The following CATSPERD variants were observed in gnomAD, a reference collection of about 807,000 sequenced individuals.
The protein encoded by CATSPERD is cation channel sperm-associated auxiliary subunit delta.
In CATSPERD, 86 loss-of-function variants were observed where a neutral mutation model predicts 98.1. The observed-to-expected ratio is 0.88, with a 90% CI of 0.74 to 1.05. CATSPERD has a LOEUF of 1.05. Among genes scored for constraint, CATSPERD ranks in the 50% least tolerant of loss-of-function variants. The pLI is 0.00. For synonymous variants in CATSPERD, 394 were observed against 390.2 expected, an observed-to-expected ratio of 1.01 and a Z score of -0.12; for missense variants, 995 against 1,005.7, an observed-to-expected ratio of 0.99 and a Z score of 0.14.
rs2055768957 is a variant in CATSPERD, at chr19:5,733,336, C to CTTTCTTTCTTTCTTTCTTTCTTTCA, written c.277-506_277-505insTCTTTCTTTCATTTCTTTCTTTCTT. ...CTTTCTTTCTTTCTTTCTTTCTTTC[C>CTTTCTTTCTTTCTTTCTTTCTTTCA]TTTCTTTCTTTCTTCCTTCCTTCCC... On this transcript the variant is annotated intron_variant, in intron 4 of 21. Coordinates refer to ENST00000381624, the MANE Select transcript of CATSPERD (RefSeq NM_152784.4). Among the ~76,000 whole-genome samples the CTTTCTTTCTTTCTTTCTTTCTTTCA allele has an allele frequency of 1.8e-5, 2 of 112,154 alleles. 1 individual carries two copies. The highest frequency in any genetic ancestry group is 8.1e-5 in the African/African-American group (2 of 24,566). The allele number at this position is 112,154 out of a possible 152,430, so 73.6% of individuals were successfully genotyped here. A position where few individuals can be genotyped will look rare whatever the true frequency, so the allele number is the denominator to read the frequency against.
At chr19:5,747,681 C>T (rs375399446) in intron 9 of CATSPERD, among the ~76,000 whole-genome samples, 27 of 142,738 alleles carry the variant, frequency 1.9e-4, no homozygotes, top group Non-Finnish European at 3.5e-4. Flanking sequence ...GGCGCAATCT[C>T]GGCTCACTGC....
chr19:5,724,941 TG>T, intron 2 of CATSPERD, 79 bp downstream of exon 2: 3 of 1,315,130 alleles, frequency 2.3e-6, no homozygotes, highest in Non-Finnish European at 3.3e-6. Flanking sequence ...TGGTATTTCT[TG>T]GGTGCCCGTG....
At chr19:5,731,402 T>C (rs1599514408) in intron 4 of CATSPERD, among the ~76,000 whole-genome samples, 1 of 151,904 alleles carries the variant, frequency 6.6e-6, no homozygotes, top group Non-Finnish European at 1.5e-5. Context: ...GTGGGAAGAT[T>C]GCTTGAGCCG....
Position 5,724,828 on chromosome 19 carries a change from GAA to G in CATSPERD, c.95_96del (p.Lys32SerfsTer3), listed in dbSNP as rs768279568. 6.2e-7 allele frequency: 1 copy of G among 1,614,112 alleles called. No homozygotes were observed. Among genetic ancestry groups the G allele is most frequent in the Admixed American group, 1.7e-5 (1 of 60,006 alleles). The stretch of plus-strand genomic sequence containing the variant: ...TCTAGTTCTCGCACAGTGAGGACAG[GAA>G]AAGTGTTTAATCTGATACAGGACGT... On this transcript the variant is annotated frameshift_variant, in exon 2 of 22. Coordinates refer to ENST00000381624, the MANE Select transcript of CATSPERD (RefSeq NM_152784.4). LOFTEE classifies it high-confidence loss of function.
chr19:5,743,174 G>T (rs1275704065), intron 7 of CATSPERD, among the ~76,000 whole-genome samples: 2 of 151,966 alleles, frequency 1.3e-5, no homozygotes, highest in African/African-American at 4.8e-5. Context: ...GTGGTGGCAG[G>T]CGCCTGTAAT....
chr19:5,729,799 G>C (rs2055678786), intron 3 of CATSPERD, 73 bp from the exon 4 acceptor site: 1 of 881,586 alleles, frequency 1.1e-6, no homozygotes, highest in African/African-American at 1.7e-5. Flanking sequence ...AGACATTTTA[G>C]AGTACCTCTA....
intron 21 of CATSPERD, 147 bp from the exon 22 acceptor site, chr19:5,778,229 T>C (rs1372039700): frequency 8.0e-6 from 4 of 502,940 alleles, no homozygotes; most frequent in East Asian, 3.7e-5. Context: ...AAAAAAGGCA[T>C]AGTGGATGGA....
In CATSPERD at chr19:5,724,846, T is replaced by C; in HGVS notation, c.110T>C (p.Ile37Thr). The change falls in exon 2 of 22, where the codon ATA becomes ACA. Residue 37 changes from isoleucine to threonine, a missense_variant. Physicochemically the swap from Ile to Thr is moderately conservative, Grantham distance 89. Transcript: ENST00000381624. The stretch of plus-strand genomic sequence containing the variant: ...AGGACAGGAAAAGTGTTTAATCTGA[T>C]ACAGGACGTTCAAGGGGTATGTGGC... ...TVRTGKVFNLIQDVQGDRLYF... is the reference protein window; with the variant it reads ...TVRTGKVFNLTQDVQGDRLYF... 2 of 1,614,112 alleles carry C rather than the reference T, an allele frequency of 1.2e-6. No homozygotes were observed. The highest frequency in any genetic ancestry group is 1.1e-5 in the South Asian group (1 of 91,090).
intron 19 of CATSPERD, 99 bp from the exon 20 acceptor site, chr19:5,772,688 AC>A (rs1175743901): frequency 5.7e-6 from 7 of 1,231,590 alleles, no homozygotes; most frequent in Admixed American, 2.2e-5. Flanking sequence ...GTCACCTCCC[AC>A]CCCCCAAGCG....
At chr19:5,760,350 G>A (rs2056410646) in intron 15 of CATSPERD, among the ~76,000 whole-genome samples, 1 of 150,464 alleles carries the variant, frequency 6.6e-6, no homozygotes, top group Non-Finnish European at 1.5e-5. Context: ...AGTGAGCCGA[G>A]ATTGCGCCAC....
In CATSPERD at chr19:5,759,132, A is replaced by G. The variant is rs746072596; in HGVS notation, c.1415A>G (p.Asn472Ser). 25 of 1,613,790 alleles carry G rather than the reference A, an allele frequency of 1.5e-5. No individual in the cohort carries two copies. Among genetic ancestry groups the G allele is most frequent in the East Asian group, 2.2e-5 (1 of 44,876 alleles). The change falls in exon 15 of 22, where the codon AAC becomes AGC. Residue 472 changes from asparagine to serine, a missense_variant. Transcript: ENST00000381624. ...CAGCACTGGGGCAGGACCGACTCCA[A>G]CTTCACTTCCAGGTATGTTGTCTCC... ...QQQHWGRTDS[N>S]FTSSLKKATM...
intron 1 of CATSPERD, among the ~76,000 whole-genome samples, chr19:5,721,217 T>G (rs888642875): frequency 2.1e-4 from 32 of 152,156 alleles, no homozygotes; most frequent in African/African-American, 7.5e-4. Context: ...TTAGCCAGGA[T>G]GGTCCCGATC....
chr19:5,740,754 C>G (rs578262449), intron 7 of CATSPERD, among the ~76,000 whole-genome samples: 1 of 135,120 alleles, frequency 7.4e-6, no homozygotes, highest in Non-Finnish European at 1.6e-5. Context: ...AACAGAGAAA[C>G]TCCGTCTCAA....
At position 5,768,320 on chromosome 19, in the gene CATSPERD, TTTTA is replaced by T. The variant is rs145790220; in HGVS notation, c.1634+101_1634+104del. 74 of 496,402 alleles carry T rather than the reference TTTTA, an allele frequency of 1.5e-4. 2 individuals are homozygous for T. Among genetic ancestry groups the T allele is most frequent in the Middle Eastern group, 4.9e-4 (1 of 2,054 alleles). The allele number at this position is 496,402 out of a possible 1,614,324, so 30.7% of individuals were successfully genotyped here. A position where few individuals can be genotyped will look rare whatever the true frequency, so the allele number is the denominator to read the frequency against. On this transcript the variant is annotated intron_variant, in intron 18 of 21. Transcript: ENST00000381624. ...GCAAAAGCCAAGAGCAAATTAGGAA[TTTTA>T]TTTATTTATTTATTTATTTATTATT... is the stretch of plus-strand genomic sequence containing the variant.
intron 11 of CATSPERD, 111 bp downstream of exon 11, chr19:5,749,294 C>G (rs1264698150): frequency 5.0e-6 from 3 of 598,898 alleles, no homozygotes; most frequent in Non-Finnish European, 5.5e-6. Flanking sequence ...GAGTTCAAGA[C>G]CAGCCTTGCC....
intron 21 of CATSPERD, among the ~76,000 whole-genome samples, chr19:5,777,680 C>G (rs1044378998): frequency 1.3e-5 from 2 of 152,032 alleles, no homozygotes; most frequent in Non-Finnish European, 2.9e-5. Flanking sequence ...GTCAGGAGTT[C>G]GAGACAAGCC....
At chr19:5,741,103 G>A (rs2055954525) in intron 7 of CATSPERD, among the ~76,000 whole-genome samples, 1 of 149,814 alleles carries the variant, frequency 6.7e-6, no homozygotes, top group Non-Finnish European at 1.5e-5. Flanking sequence ...GAAAAGAAAA[G>A]AAAAAAGCTA....
In CATSPERD at chr19:5,774,732, A is replaced by T. The variant is rs139801011; in HGVS notation, c.1942-1429A>T. 3.9e-3 allele frequency among the ~76,000 whole-genome samples: 571 copies of T among 145,736 alleles called. 1 individual carries two copies. The highest frequency in any genetic ancestry group is 6.3e-3 in the Non-Finnish European group (417 of 66,176). On this transcript the variant is annotated intron_variant, in intron 20 of 21. Coordinates refer to ENST00000381624, the MANE Select transcript of CATSPERD (RefSeq NM_152784.4). ...AAAATTTAAAAATAAATAAATAAAGAGTGGCCAGGTACTGTGGCTCACGCC... is the reference window on the plus strand; with the variant it reads ...AAAATTTAAAAATAAATAAATAAAGTGTGGCCAGGTACTGTGGCTCACGCC...
intron 17 of CATSPERD, among the ~76,000 whole-genome samples, chr19:5,767,014 T>A (rs960803852): frequency 6.6e-6 from 1 of 150,880 alleles, no homozygotes; most frequent in Non-Finnish European, 1.5e-5. Flanking sequence ...TTAAAATAAA[T>A]TTTTTAAAAA....
Sources: gnomAD v4.1 joint callset for allele counts (sites outside exome capture counted in the v4.1 genomes callset) on GRCh38, gnomAD v4.1.1 for gene constraint, MANE v1.5 for transcripts, NCBI Gene and HGNC (gene_info 2026-07-23, HGNC 2026-07-21) for gene names.